Variants in DLG2 observed in about 807,000 individuals in gnomAD.
DLG2 encodes discs large MAGUK scaffold protein 2.
DLG2 carries 45 observed loss-of-function variants against 132.5 expected under a neutral mutation model. The ratio of observed to expected loss-of-function variants is 0.34; its 90% confidence interval spans 0.27 to 0.44. The LOEUF (loss-of-function observed/expected upper bound fraction) is 0.44, where lower values mean the gene tolerates loss of function less well. Among genes scored for constraint, DLG2 ranks in the 20% least tolerant of loss-of-function variants. The pLI is 1.00. For synonymous variants in DLG2, 424 were observed against 419.6 expected (o/e 1.01, Z -0.13); for missense variants, 1,045 against 1,196.9 (o/e 0.87, Z 1.87).
intron 18 of DLG2, among the ~76,000 whole-genome samples, chr11:83,718,788 A>G (rs1042098079): frequency 1.3e-5 from 2 of 152,134 alleles, no homozygotes; most frequent in African/African-American, 4.8e-5. Context: ...AATATTGAAG[A>G]AAATGTTGCC....
intron 6 of DLG2, among the ~76,000 whole-genome samples, chr11:84,842,143 C>T (rs890988236): frequency 6.6e-6 from 1 of 151,974 alleles, no homozygotes; most frequent in Non-Finnish European, 1.5e-5. Flanking sequence ...GTCTCAGAAT[C>T]ATGAGATCAA....
intron 11 of DLG2, among the ~76,000 whole-genome samples, chr11:84,042,007 G>T (rs1326723723): frequency 1.3e-5 from 2 of 151,882 alleles, no homozygotes; most frequent in African/African-American, 2.4e-5. Flanking sequence ...CCATGATTGT[G>T]AGGCCTCCCC....
intron 3 of DLG2, among the ~76,000 whole-genome samples, chr11:85,476,369 TTACTC>T (rs2093142393): frequency 2.0e-5 from 3 of 152,010 alleles, no homozygotes; most frequent in African/African-American, 7.2e-5. Flanking sequence ...GCCTAAGACA[TTACTC>T]TACACTACTG....
intron 11 of DLG2, among the ~76,000 whole-genome samples, chr11:84,051,571 C>A (rs184954817): frequency 0.021 from 2,840 of 134,094 alleles, 38 homozygotes; most frequent in Middle Eastern, 0.038. Context: ...GGGAACTGAA[C>A]AATGAGAACA....
chr11:83,623,433 A>AG (rs1406182634), intron 19 of DLG2, among the ~76,000 whole-genome samples: 1 of 152,236 alleles, frequency 6.6e-6, no homozygotes, highest in Non-Finnish European at 1.5e-5. Context: ...TTGATTCAGC[A>AG]GTTACTATAT....
At chr11:85,334,385 T>C (rs542364343) in intron 3 of DLG2, among the ~76,000 whole-genome samples, 1 of 152,252 alleles carries the variant, frequency 6.6e-6, no homozygotes, top group African/African-American at 2.4e-5. Context: ...AGAACAAATT[T>C]TTTGTTTCAT....
chr11:83,866,809 G>T (rs1055925998), intron 16 of DLG2, among the ~76,000 whole-genome samples: 2 of 152,074 alleles, frequency 1.3e-5, no homozygotes, highest in African/African-American at 4.8e-5. Context: ...AGCCCTACAA[G>T]GTCAATACTA....
In DLG2 at chr11:85,516,366, C is replaced by T. The variant is rs1354931367; in HGVS notation, c.40+82291G>A. Among the ~76,000 whole-genome samples the T allele has an allele frequency of 4.6e-5, 7 of 151,984 alleles. No homozygotes were observed. In the East Asian group the frequency reaches 1.4e-3, roughly 29 times the overall value. The stretch of plus-strand genomic sequence containing the variant: ...GACAGAAAGATCACAAATTAACAAC[C>T]TAACATTGCACCTCAAGGACCCAGA... On this transcript the variant is annotated intron_variant, in intron 3 of 27. Coordinates refer to ENST00000376104, the MANE Select transcript of DLG2 (RefSeq NM_001142699.3).
chr11:84,022,233 C>G (rs545136490), intron 11 of DLG2, among the ~76,000 whole-genome samples: 2 of 152,240 alleles, frequency 1.3e-5, no homozygotes, highest in South Asian at 4.1e-4. Context: ...TTCGGGGCAT[C>G]CTTTTCTCTG....
intron 6 of DLG2, among the ~76,000 whole-genome samples, chr11:84,554,494 C>T (rs1397668405): frequency 2.0e-5 from 3 of 152,062 alleles, no homozygotes; most frequent in Admixed American, 6.6e-5. Context: ...TGCCTGTAAT[C>T]CCAGCACTTT....
intron 9 of DLG2, among the ~76,000 whole-genome samples, chr11:84,156,725 T>C (rs1388272557): frequency 6.6e-6 from 1 of 152,266 alleles, no homozygotes; most frequent in Non-Finnish European, 1.5e-5. Flanking sequence ...GAAAAATGAC[T>C]GATTTATTGC....
chr11:85,539,237 C>T (rs897827600), intron 3 of DLG2, among the ~76,000 whole-genome samples: 6 of 151,874 alleles, frequency 4.0e-5, no homozygotes, highest in Non-Finnish European at 8.8e-5. Flanking sequence ...TTAGACTGCT[C>T]GGTCATCCTG....
chr11:85,137,342 T>C (rs1486183073), intron 5 of DLG2, among the ~76,000 whole-genome samples: 1 of 152,178 alleles, frequency 6.6e-6, no homozygotes, highest in Non-Finnish European at 1.5e-5. Flanking sequence ...GAAATAATTA[T>C]AATCCCTATT....
intron 7 of DLG2, among the ~76,000 whole-genome samples, chr11:84,408,441 C>T (rs2098872240): frequency 6.6e-6 from 1 of 152,060 alleles, no homozygotes; most frequent in Non-Finnish European, 1.5e-5. Flanking sequence ...GTGTGCTGCA[C>T]CCATTAACTC....
intron 16 of DLG2, among the ~76,000 whole-genome samples, chr11:83,861,977 C>T (rs1221780019): frequency 1.3e-5 from 2 of 152,104 alleles, no homozygotes; most frequent in African/African-American, 4.8e-5. Flanking sequence ...CAAAACATCT[C>T]ATGTACCCCA....
At chr11:85,608,115 G>A (rs902308003) in intron 2 of DLG2, among the ~76,000 whole-genome samples, 14 of 152,118 alleles carry the variant, frequency 9.2e-5, no homozygotes, top group Non-Finnish European at 1.9e-4. Flanking sequence ...CTGCTGCTGT[G>A]GCGGTGAGCA....
intron 4 of DLG2, among the ~76,000 whole-genome samples, chr11:85,282,025 CTAAAAAAAAAA>C (rs2078259464): frequency 1.3e-5 from 2 of 150,416 alleles, no homozygotes; most frequent in Non-Finnish European, 3.0e-5. Flanking sequence ...ATTTACTTGA[CTAAAAAAAAAA>C]TAAATAAATA....
intron 15 of DLG2, among the ~76,000 whole-genome samples, chr11:83,894,540 A>G (rs1280913221): frequency 6.6e-6 from 1 of 152,194 alleles, no homozygotes; most frequent in Non-Finnish European, 1.5e-5. Context: ...ATGGTTGTAC[A>G]TATTTTTGGG....
At chr11:84,934,548 GT>G (rs1343862290) in intron 6 of DLG2, among the ~76,000 whole-genome samples, 2 of 83,488 alleles carry the variant, frequency 2.4e-5, no homozygotes, top group African/African-American at 9.4e-5. Context: ...TTTTTTTTTG[GT>G]GGGTAGGCTA....
Sources: allele counts gnomAD v4.1 joint callset (sites outside exome capture counted in the v4.1 genomes callset), GRCh38; gene constraint gnomAD v4.1.1; transcripts MANE v1.5; gene names NCBI Gene and HGNC (gene_info 2026-07-23, HGNC 2026-07-21).